Variants in ANKH observed in about 807,000 individuals in gnomAD.
The protein encoded by ANKH is mineralization regulator ANKH.
A neutral mutation model predicts 49.0 loss-of-function variants in ANKH; 15 were observed. The ratio of observed to expected loss-of-function variants is 0.31; its 90% CI spans 0.20 to 0.47. The LOEUF (loss-of-function observed/expected upper bound fraction) is 0.47, where lower values mean the gene tolerates loss of function less well. Among genes scored for constraint, ANKH ranks in the 20% least tolerant of loss-of-function variants. The pLI, the probability that ANKH is intolerant of heterozygous loss-of-function variation, is 1.00. For missense variants in ANKH, 429 were observed against 652.0 expected, an observed-to-expected ratio of 0.66 and a Z score of 3.72; for synonymous variants, 273 against 260.0, an observed-to-expected ratio of 1.05 and a Z score of -0.48.
At chr5:14,812,692 T>C (rs1331437380) in intron 1 of ANKH, among the ~76,000 whole-genome samples, 10 of 152,206 alleles carry the variant, frequency 6.6e-5, no homozygotes, top group Admixed American at 6.5e-4. Context: ...TCAAGTTCCT[T>C]ACCTTCCACC....
At chr5:14,731,355 A>C (rs1313966011) in intron 8 of ANKH, among the ~76,000 whole-genome samples, 1 of 152,186 alleles carries the variant, frequency 6.6e-6, no homozygotes, top group East Asian at 1.9e-4. Context: ...CAAGGTCGGG[A>C]GGTGAAAGCC....
Position 14,751,092 on chromosome 5 carries a change from C to T in ANKH, c.664G>A (p.Asp222Asn). ...YYKNIHDIIP[D>N]RSGPELGGDA... is the part of the protein sequence containing the mutation. ...ACCCCCAGCTCCGGGCCACTTCTGT[C>T]AGGGATGATGTCGTGAATGTTCTTG... The change falls in exon 5 of 12, where the codon GAC becomes AAC. Residue 222 changes from aspartate to asparagine, a missense_variant. By Grantham distance (23) the Asp-to-Asn change is conservative (BLOSUM62 1). Coordinates refer to ENST00000284268, the MANE Select transcript of ANKH (RefSeq NM_054027.6). The T allele has an allele frequency of 6.2e-7, 1 of 1,614,208 alleles. No homozygotes were observed. The highest frequency in any genetic ancestry group is 8.5e-7 in the Non-Finnish European group (1 of 1,180,048).
chr5:14,723,349 C>CT (rs775497570), intron 8 of ANKH, among the ~76,000 whole-genome samples: 1,314 of 36,996 alleles, frequency 0.036, 6 homozygotes, highest in African/African-American at 0.077. Flanking sequence ...AGAAGTTATT[C>CT]TTTTTTTAAA....
At chr5:14,816,453 C>G (rs962391096) in intron 1 of ANKH, among the ~76,000 whole-genome samples, 1 of 151,980 alleles carries the variant, frequency 6.6e-6, no homozygotes. Context: ...CAGAGAGTGA[C>G]TTGGGGTGTC....
At chr5:14,750,984 T>C in intron 5 of ANKH, 85 bp downstream of exon 5, 6 of 1,549,174 alleles carry the variant, frequency 3.9e-6, no homozygotes, top group South Asian at 3.4e-5. Context: ...TTGATGTCAC[T>C]GATTTCTCAT....
chr5:14,711,331 C>T (rs1437238039), intron 11 of ANKH, 21 bp from the exon 12 acceptor site: 2 of 1,603,960 alleles, frequency 1.2e-6, no homozygotes, highest in Admixed American at 1.7e-5. Context: ...GAAGACTCAT[C>T]AGTGTGGGGC....
intron 8 of ANKH, among the ~76,000 whole-genome samples, chr5:14,735,341 A>G (rs1028617158): frequency 1.3e-5 from 2 of 152,250 alleles, no homozygotes; most frequent in Non-Finnish European, 2.9e-5. Context: ...CACATGGAGA[A>G]TCTGGAAATA....
At chr5:14,809,312 G>A (rs1220211595) in intron 1 of ANKH, among the ~76,000 whole-genome samples, 1 of 93,602 alleles carries the variant, frequency 1.1e-5, no homozygotes, top group Non-Finnish European at 1.9e-5. Context: ...ATGTGCACAT[G>A]TACCCTAAAA....
At chr5:14,760,708 C>G (rs1739047626) in intron 2 of ANKH, among the ~76,000 whole-genome samples, 1 of 152,194 alleles carries the variant, frequency 6.6e-6, no homozygotes, top group South Asian at 2.1e-4. Flanking sequence ...GCAACGAACA[C>G]AATGCCAAGT....
intron 1 of ANKH, among the ~76,000 whole-genome samples, chr5:14,840,681 T>C (rs1482191343): frequency 6.6e-6 from 1 of 152,222 alleles, no homozygotes; most frequent in East Asian, 1.9e-4. Flanking sequence ...TAGCGAGTAT[T>C]ATTACACATT....
intron 1 of ANKH, among the ~76,000 whole-genome samples, 171 bp from the exon 2 acceptor site, chr5:14,769,362 A>C (rs1299892677): frequency 1.3e-5 from 2 of 152,192 alleles, no homozygotes; most frequent in African/African-American, 4.8e-5. Flanking sequence ...TTTCATCTAC[A>C]TCAGCTTCAG....
At chr5:14,723,472 G>A (rs1335331885) in intron 8 of ANKH, among the ~76,000 whole-genome samples, 1 of 151,630 alleles carries the variant, frequency 6.6e-6, no homozygotes, top group Non-Finnish European at 1.5e-5. Flanking sequence ...GACCAGCCTG[G>A]ACAACACAAG....
At chr5:14,721,059 A>T (rs1408571424) in intron 8 of ANKH, among the ~76,000 whole-genome samples, 1 of 152,190 alleles carries the variant, frequency 6.6e-6, no homozygotes, top group African/African-American at 2.4e-5. Flanking sequence ...CAGCTTGAGG[A>T]CATGATAGTG....
intron 1 of ANKH, among the ~76,000 whole-genome samples, chr5:14,866,188 T>C (rs1735639534): frequency 6.6e-6 from 1 of 152,190 alleles, no homozygotes; most frequent in Non-Finnish European, 1.5e-5. Context: ...GTATTTTTAG[T>C]AGAGACGGGG....
intron 1 of ANKH, among the ~76,000 whole-genome samples, chr5:14,801,307 C>A (rs1481492608): frequency 6.6e-6 from 1 of 152,164 alleles, no homozygotes; most frequent in Non-Finnish European, 1.5e-5. Context: ...AAAAACAAAT[C>A]CCACTGCTTC....
rs535936020 is a variant in ANKH, at chr5:14,736,706, C to T, written c.1011+5121G>A. On this transcript the variant is annotated intron_variant, in intron 8 of 11. Coordinates refer to ENST00000284268, the MANE Select transcript of ANKH (RefSeq NM_054027.6). ...CTCTCCTTTCCCTGATCCTTGTTCT[C>T]CCCCTTCTCTGACTTTCTCTGAATG... is the stretch of plus-strand genomic sequence containing the variant. 3.9e-5 allele frequency among the ~76,000 whole-genome samples: 6 copies of T among 152,278 alleles called. No homozygotes were observed. The South Asian group carries it at 1.0e-3, about 27-fold the overall frequency.
At chr5:14,828,853 G>A (rs891549061) in intron 1 of ANKH, among the ~76,000 whole-genome samples, 1 of 152,146 alleles carries the variant, frequency 6.6e-6, no homozygotes, top group Non-Finnish European at 1.5e-5. Flanking sequence ...TTTAAGGTCT[G>A]AATTACTCAA....
chr5:14,767,780 CT>C (rs57842545), intron 2 of ANKH, among the ~76,000 whole-genome samples: 44 of 150,236 alleles, frequency 2.9e-4, no homozygotes, highest in Middle Eastern at 3.4e-3. Context: ...AAATATATGG[CT>C]TTTTTTTTTC....
intron 4 of ANKH, among the ~76,000 whole-genome samples, chr5:14,755,167 AC>A (rs1738846790): frequency 6.6e-6 from 1 of 152,174 alleles, no homozygotes; most frequent in African/African-American, 2.4e-5. Flanking sequence ...GACTGTAGGA[AC>A]TTAGTCTAAT....
Sources: gnomAD v4.1 joint callset for allele counts (sites outside exome capture counted in the v4.1 genomes callset) on GRCh38, gnomAD v4.1.1 for gene constraint, MANE v1.5 for transcripts, NCBI Gene and HGNC (gene_info 2026-07-23, HGNC 2026-07-21) for gene names.